Variants in OTUB2 observed in about 807,000 individuals in gnomAD.
OTUB2 encodes ubiquitin thioesterase OTUB2.
A neutral mutation model predicts 25.1 loss-of-function variants in OTUB2; 21 were observed. The ratio of observed to expected loss-of-function variants is 0.84; its 90% CI spans 0.59 to 1.21. The LOEUF is 1.21. Ranked by LOEUF, OTUB2 falls within the 50% of genes most tolerant of loss-of-function variation. OTUB2 has a pLI of 0.00. For synonymous variants in OTUB2, 122 were observed against 122.8 expected, an observed-to-expected ratio of 0.99 and a Z score of 0.04; for missense variants, 283 against 298.0, an observed-to-expected ratio of 0.95 and a Z score of 0.37.
chr14:94,038,888 TG>T, intron 2 of OTUB2, 74 bp from the exon 3 acceptor site: 1 of 1,303,376 alleles, frequency 7.7e-7, no homozygotes, highest in Non-Finnish European at 1.1e-6. Context: ...GGGGGGCACC[TG>T]GCCAGTCCCA....
intron 1 of OTUB2, among the ~76,000 whole-genome samples, chr14:94,035,617 T>C (rs1203427443): frequency 6.6e-6 from 1 of 152,040 alleles, no homozygotes; most frequent in Non-Finnish European, 1.5e-5. Flanking sequence ...AATGAATTCA[T>C]CCTCTATTCT....
At chr14:94,045,492 C>G (rs1394894884) in intron 5 of OTUB2, among the ~76,000 whole-genome samples, 1 of 152,204 alleles carries the variant, frequency 6.6e-6, no homozygotes, top group Non-Finnish European at 1.5e-5. Flanking sequence ...GGAAAAGATT[C>G]AGGTTCGATT....
intron 4 of OTUB2, 37 bp downstream of exon 4, chr14:94,044,092 G>A: frequency 3.8e-6 from 6 of 1,584,124 alleles, no homozygotes; most frequent in Non-Finnish European, 4.3e-6. Context: ...CACTGGCAGA[G>A]CAGACAGGAG....
At chr14:94,031,503 A>C (rs923606392) in intron 1 of OTUB2, among the ~76,000 whole-genome samples, 2 of 152,056 alleles carry the variant, frequency 1.3e-5, no homozygotes, top group African/African-American at 2.4e-5. Context: ...GGCTCGGTAC[A>C]TGGATTAGGG....
chr14:94,033,391 GCA>G (rs1339474517), intron 1 of OTUB2, among the ~76,000 whole-genome samples: 1 of 152,134 alleles, frequency 6.6e-6, no homozygotes, highest in African/African-American at 2.4e-5. Flanking sequence ...GCAGTTTTCT[GCA>G]TTGAAGTACT....
At chr14:94,036,745 GTGGTGC>G (rs1885061905) in intron 1 of OTUB2, among the ~76,000 whole-genome samples, 2 of 152,116 alleles carry the variant, frequency 1.3e-5, no homozygotes, top group Admixed American at 1.3e-4. Context: ...TCGCCGGTAG[GTGGTGC>G]ATGAAGATGC....
intron 1 of OTUB2, among the ~76,000 whole-genome samples, chr14:94,028,695 G>A (rs1278172985): frequency 6.6e-6 from 1 of 152,236 alleles, no homozygotes; most frequent in Admixed American, 6.5e-5. Context: ...AAGACAAGGT[G>A]CCTGCCCGCT....
intron 3 of OTUB2, among the ~76,000 whole-genome samples, chr14:94,042,704 G>A (rs1163735082): frequency 6.6e-6 from 1 of 152,190 alleles, no homozygotes; most frequent in Non-Finnish European, 1.5e-5. Flanking sequence ...CTGAGTGAGA[G>A]GCGTTAGCCA....
At chr14:94,043,123 CCT>C (rs899402680) in intron 3 of OTUB2, among the ~76,000 whole-genome samples, 25 of 152,358 alleles carry the variant, frequency 1.6e-4, no homozygotes, top group Admixed American at 3.3e-4. Context: ...CTCACTGCCC[CCT>C]GTCCTCCTAC....
At chr14:94,043,475 G>A (rs1345042931) in intron 3 of OTUB2, among the ~76,000 whole-genome samples, 2 of 152,368 alleles carry the variant, frequency 1.3e-5, no homozygotes, top group Non-Finnish European at 2.9e-5. Flanking sequence ...GCTGCGCCAT[G>A]AGGGGGCCTG....
intron 1 of OTUB2, among the ~76,000 whole-genome samples, chr14:94,029,927 G>T (rs971699074): frequency 6.6e-6 from 1 of 152,198 alleles, no homozygotes; most frequent in Non-Finnish European, 1.5e-5. Context: ...AGGAGGTGAT[G>T]CCACCTGCAT....
chr14:94,040,560 A>C (rs1001804073), intron 3 of OTUB2, among the ~76,000 whole-genome samples: 1 of 152,218 alleles, frequency 6.6e-6, no homozygotes, highest in African/African-American at 2.4e-5. Context: ...GTGAGGACTC[A>C]GTGGGTGATG....
intron 1 of OTUB2, 150 bp downstream of exon 1, chr14:94,026,690 C>G (rs1208808046): frequency 1.2e-6 from 1 of 829,054 alleles, no homozygotes; most frequent in Non-Finnish European, 1.6e-6. Flanking sequence ...CCCTGAAATA[C>G]GGAGTCCGGA....
chr14:94,032,549 G>GA (rs60116716), intron 1 of OTUB2, among the ~76,000 whole-genome samples: 22,918 of 151,612 alleles, frequency 0.15, 2,067 homozygotes, highest in African/African-American at 0.25. Flanking sequence ...GTACACGGAA[G>GA]AAAAAAAATG....
In OTUB2 at chr14:94,026,454, G is replaced by A. The variant is rs953833777; in HGVS notation, c.-84G>A. The A allele has an allele frequency of 1.7e-5, 22 of 1,317,704 alleles. No homozygotes were observed. The highest frequency in any genetic ancestry group is 1.2e-4 in the East Asian group (4 of 32,262). 81.6% of individuals were successfully genotyped at this position (1,317,704 alleles called of 1,614,324 possible). A position where few individuals can be genotyped will look rare whatever the true frequency, so the allele number is the denominator to read the frequency against. On this transcript the variant is annotated 5_prime_UTR_variant, in exon 1 of 6. Coordinates refer to ENST00000203664, the MANE Select transcript of OTUB2 (RefSeq NM_023112.4). ...AGGTCCCCGCCACCGAACCAGCGGCGGAGCCCGCCCGCGCCTCCCGCGGCA... is the reference window on the plus strand; with the variant it reads ...AGGTCCCCGCCACCGAACCAGCGGCAGAGCCCGCCCGCGCCTCCCGCGGCA...
chr14:94,045,617 A>G (rs1885258893), intron 5 of OTUB2, 99 bp from the exon 6 acceptor site: 1 of 1,184,550 alleles, frequency 8.4e-7, no homozygotes, highest in Non-Finnish European at 1.2e-6. Flanking sequence ...GTCCCAGCAC[A>G]GAGGCTGTGA....
intron 1 of OTUB2, among the ~76,000 whole-genome samples, chr14:94,027,972 C>A (rs531008210): frequency 6.6e-6 from 1 of 152,184 alleles, no homozygotes; most frequent in South Asian, 2.1e-4. Context: ...CTTAGCCACC[C>A]GGGAGCTGGA....
intron 1 of OTUB2, among the ~76,000 whole-genome samples, chr14:94,035,025 C>T (rs1340554922): frequency 6.6e-6 from 1 of 152,190 alleles, no homozygotes; most frequent in Non-Finnish European, 1.5e-5. Flanking sequence ...GACAGAAGCC[C>T]TTGGCACCTG....
intron 3 of OTUB2, among the ~76,000 whole-genome samples, chr14:94,041,260 G>C (rs192007038): frequency 6.6e-6 from 1 of 152,150 alleles, no homozygotes; most frequent in African/African-American, 2.4e-5. Flanking sequence ...TTGCTGCAAA[G>C]GAGGGCTGAG....
Sources: gnomAD v4.1 joint callset for allele counts (sites outside exome capture counted in the v4.1 genomes callset) on GRCh38, gnomAD v4.1.1 for gene constraint, MANE v1.5 for transcripts, NCBI Gene and HGNC (gene_info 2026-07-23, HGNC 2026-07-21) for gene names.